The following OR11G2 variants were observed in gnomAD, a reference collection of about 807,000 sequenced individuals.
OR11G2 encodes the protein olfactory receptor family 11 subfamily G member 2.
Under a neutral mutation model 0.9 loss-of-function variants are expected in OR11G2, and 2 were observed. The ratio of observed to expected loss-of-function variants is 2.35; its 90% CI spans 0.96 to 7.38. OR11G2 has a LOEUF of 7.38. Ranked by LOEUF, OR11G2 falls within the 30% of genes most tolerant of loss-of-function variation. The probability of loss-of-function intolerance (pLI) is 0.05; values close to 1 mark genes in which losing one functional copy is unlikely to be tolerated. For synonymous variants in OR11G2, 153 were observed against 142.0 expected (o/e 1.08, Z -0.55); for missense variants, 395 against 371.3 (o/e 1.06, Z -0.52).
rs75562477 is a variant in OR11G2, at chr14:20,197,074, A to G, written c.-4-360A>G. Among the ~76,000 whole-genome samples, 555 of 152,346 alleles carry G rather than the reference A, an allele frequency of 3.6e-3. 4 individuals carry two copies. The highest frequency in any genetic ancestry group is 0.013 in the African/African-American group (531 of 41,582). On this transcript the variant is annotated intron_variant, in intron 1 of 1. Coordinates refer to ENST00000641879, the MANE Select transcript of OR11G2 (RefSeq NM_001386033.1). ...TGTGTAAGAATATATCCATAAATAC[A>G]TATTCTGTTATATATTTATACAAAG...
rs1359401070 is a variant in OR11G2, at chr14:20,191,337, C to G, written c.-334C>G. The G allele has an allele frequency of 6.6e-6, 1 of 152,138 alleles. No individual in the cohort carries two copies. The highest frequency in any genetic ancestry group is 2.4e-5 in the African/African-American group (1 of 41,422). The allele number at this position is 152,138 out of a possible 1,614,324, so 9.4% of individuals were successfully genotyped here. On this transcript the variant is annotated 5_prime_UTR_variant, in exon 1 of 2. Transcript: ENST00000641879. Reference sequence around the variant, plus strand: ...GATCCACACTGCCTTTTTGAGCTAGCCTTGGGGAAAAAGTAAAACATCAGA... The same window carrying G: ...GATCCACACTGCCTTTTTGAGCTAGGCTTGGGGAAAAAGTAAAACATCAGA...
chr14:20,194,656 T>G (rs1879717082), intron 1 of OR11G2, among the ~76,000 whole-genome samples: 1 of 152,248 alleles, frequency 6.6e-6, no homozygotes, highest in African/African-American at 2.4e-5. Context: ...GTTATATTCC[T>G]CTGAATTAGT....
rs1469966048 is a variant in OR11G2 at position 20,198,870 on chromosome 14, A to C, written c.*497A>C. The C allele has an allele frequency of 6.6e-6, 1 of 152,492 alleles. No individual in the cohort carries two copies. The highest frequency in any genetic ancestry group is 1.9e-4 in the East Asian group (1 of 5,202). 9.4% of individuals were successfully genotyped at this position (152,492 alleles called of 1,614,324 possible). A position where few individuals can be genotyped will look rare whatever the true frequency, so the allele number is the denominator to read the frequency against. Reference sequence around the variant, plus strand: ...TTTGCCCAGTTGTGTAACATGCCTCAATGTTTTTTAATTGACTGGTGGGCA... The same window carrying C: ...TTTGCCCAGTTGTGTAACATGCCTCCATGTTTTTTAATTGACTGGTGGGCA... On this transcript the variant is annotated 3_prime_UTR_variant, in exon 2 of 2. Coordinates refer to ENST00000641879, the MANE Select transcript of OR11G2 (RefSeq NM_001386033.1).
chr14:20,191,891 A>ATTT (rs34333327), intron 1 of OR11G2, among the ~76,000 whole-genome samples: 7 of 117,028 alleles, frequency 6.0e-5, no homozygotes, highest in Non-Finnish European at 9.1e-5. Flanking sequence ...CCCAACTGGC[A>ATTT]TTTTTTTTTT....
chr14:20,197,763 T>C lies in OR11G2; in HGVS notation c.326T>C (p.Phe109Ser). The C allele has an allele frequency of 8.1e-6, 13 of 1,614,042 alleles. No homozygotes were observed. The highest frequency in any genetic ancestry group is 1.1e-5 in the Non-Finnish European group (13 of 1,179,988). ...TGCTTCCTCCAGTTCTACTTTTTCTTCTCCTTGGGCTCTACAGAATGCTTT... is the reference window on the plus strand; with the variant it reads ...TGCTTCCTCCAGTTCTACTTTTTCTCCTCCTTGGGCTCTACAGAATGCTTT... ...SGCFLQFYFF[F>S]SLGSTECFFL... The change falls in exon 2 of 2, where the codon TTC becomes TCC. Residue 109 changes from phenylalanine to serine, a missense_variant. Phe to Ser is a radical substitution (Grantham distance 155, BLOSUM62 -2). Transcript: ENST00000641879.
rs1376515314 is a variant in OR11G2 at position 20,197,830 on chromosome 14, T to C, written c.393T>C (p.Cys131=). ...CATTTGATCGATACCTTGCCATCTG[T>C]CGGCCTCTACGCTATCCAACCATTA... ...VMAFDRYLAI[C]RPLRYPTIMT... Residue 131 remains cysteine (C), a synonymous_variant, in exon 2 of 2, where the codon TGT becomes TGC. Transcript: ENST00000641879. 1.9e-6 allele frequency: 3 copies of C among 1,614,026 alleles called. No homozygotes were observed. The highest frequency in any genetic ancestry group is 2.5e-6 in the Non-Finnish European group (3 of 1,180,026).
Position 20,197,455 on chromosome 14 carries a change from C to A in OR11G2, c.18C>A (p.Ser6Arg), listed in dbSNP as rs1338958351. 1 of 1,613,902 alleles carries A rather than the reference C, an allele frequency of 6.2e-7. No homozygotes were observed. The highest frequency in any genetic ancestry group is 8.5e-7 in the Non-Finnish European group (1 of 1,179,960). ...ACAGGCACATGAAAATCTTCAACAG[C>A]CCCAGCAACTCCAGCACCTTCACTG... MKIFN[S>R]PSNSSTFTGF... is the part of the protein sequence containing the mutation. Residue 6 changes from serine (S) to arginine (R), a missense_variant, in exon 2 of 2, where the codon AGC becomes AGA. By Grantham distance (110) the Ser-to-Arg change is moderately radical. Transcript: ENST00000641879.
intron 1 of OR11G2, among the ~76,000 whole-genome samples, chr14:20,192,662 G>GAA (rs2139108820): frequency 6.6e-6 from 1 of 152,214 alleles, no homozygotes; most frequent in Non-Finnish European, 1.5e-5. Context: ...CCTTCATTTT[G>GAA]AAGTTCAATG....
At chr14:20,193,625 A>T (rs1210834733) in intron 1 of OR11G2, among the ~76,000 whole-genome samples, 5 of 152,224 alleles carry the variant, frequency 3.3e-5, no homozygotes, top group Non-Finnish European at 7.3e-5. Context: ...AGAAAATGAG[A>T]TTTTGTGACA....
At chr14:20,193,107 G>A (rs748486891) in intron 1 of OR11G2, among the ~76,000 whole-genome samples, 1 of 152,046 alleles carries the variant, frequency 6.6e-6, no homozygotes, top group Non-Finnish European at 1.5e-5. Context: ...TTTGTTTGTT[G>A]TTTTGGTTTT....
intron 1 of OR11G2, among the ~76,000 whole-genome samples, chr14:20,192,053 C>A (rs1372847010): frequency 1.3e-5 from 2 of 152,036 alleles, no homozygotes; most frequent in African/African-American, 4.8e-5. Flanking sequence ...TGACCATACC[C>A]GGCTAATTTT....
chr14:20,200,537 G>T lies in OR11G2; in HGVS notation c.*2164G>T, dbSNP rs1042518479. ...TTGCGTGTCTGAGGATTGTGAAATG[G>T]GTTCTCTCACACTTAGCTGGTGGGC... On this transcript the variant is annotated 3_prime_UTR_variant, in exon 2 of 2. Coordinates refer to ENST00000641879, the MANE Select transcript of OR11G2 (RefSeq NM_001386033.1). 4 of 152,124 alleles carry T rather than the reference G, an allele frequency of 2.6e-5. No individual in the cohort carries two copies. Among genetic ancestry groups the T allele is most frequent in the Non-Finnish European group, 4.4e-5 (3 of 68,036 alleles). The allele number at this position is 152,124 out of a possible 1,614,324, so 9.4% of individuals were successfully genotyped here.
rs532455728 is a variant in OR11G2 at position 20,197,531 on chromosome 14, T to C, written c.94T>C (p.Phe32Leu). 1 of 1,614,150 alleles carries C rather than the reference T, an allele frequency of 6.2e-7. No homozygotes were observed. The highest frequency in any genetic ancestry group is 8.5e-7 in the Non-Finnish European group (1 of 1,179,996). The change falls in exon 2 of 2, where the codon TTT (phenylalanine) becomes CTT (leucine). Residue 32 changes from phenylalanine to leucine, a missense_variant. By Grantham distance (22) the Phe-to-Leu change is conservative. Transcript: ENST00000641879. ...PCPREGQILL[F>L]VLFTVVYLLT... is the part of the protein sequence containing the mutation. ...CCCCAGGGAGGGGCAGATCCTCCTC[T>C]TTGTGCTCTTCACTGTTGTTTACCT...
In OR11G2 at chr14:20,198,698, A is replaced by C. The variant is rs375361995; in HGVS notation, c.*325A>C. Reference sequence around the variant, plus strand: ...GAGCCGAGATCGCGCCACTGCACTCAAGCCTGGGCGACAGAGCGAGACTCT... The same window carrying C: ...GAGCCGAGATCGCGCCACTGCACTCCAGCCTGGGCGACAGAGCGAGACTCT... On this transcript the variant is annotated 3_prime_UTR_variant, in exon 2 of 2. Transcript: ENST00000641879. The C allele has an allele frequency of 0.019, 3,109 of 160,126 alleles. 39 individuals carry two copies. The highest frequency in any genetic ancestry group is 0.028 in the Admixed American group (457 of 16,508). 9.9% of individuals were successfully genotyped at this position (160,126 alleles called of 1,614,324 possible).
intron 1 of OR11G2, 108 bp downstream of exon 1, chr14:20,191,774 A>G (rs953379319): frequency 6.6e-6 from 1 of 151,954 alleles, no homozygotes; most frequent in African/African-American, 2.4e-5. Context: ...TCATTTTCAC[A>G]CCCTTCTTGT....
rs1879893755 is a variant in OR11G2 at position 20,201,065 on chromosome 14, A to T, written c.*2692A>T. ...CTTTTGTGCGTTCAAATTCTTTATCATGTGCCTATATTATGCATTGAAAAA... is the reference window on the plus strand; with the variant it reads ...CTTTTGTGCGTTCAAATTCTTTATCTTGTGCCTATATTATGCATTGAAAAA... On this transcript the variant is annotated 3_prime_UTR_variant, in exon 2 of 2. Transcript: ENST00000641879. The T allele has an allele frequency of 6.6e-6, 1 of 152,118 alleles. No individual in the cohort carries two copies. Among genetic ancestry groups the T allele is most frequent in the Admixed American group, 6.6e-5 (1 of 15,266 alleles). 9.4% of individuals were successfully genotyped at this position (152,118 alleles called of 1,614,324 possible).
At chr14:20,193,912 G>A (rs1366598527) in intron 1 of OR11G2, among the ~76,000 whole-genome samples, 1 of 152,168 alleles carries the variant, frequency 6.6e-6, no homozygotes, top group Non-Finnish European at 1.5e-5. Flanking sequence ...GGGAGCAGGA[G>A]AGCCCAGGGA....
In OR11G2 at chr14:20,197,397, G is replaced by A. The variant is rs201041430; in HGVS notation, c.-4-37G>A. 1.7e-4 allele frequency: 274 copies of A among 1,609,880 alleles called. 1 individual carries two copies. Among genetic ancestry groups the A allele is most frequent in the South Asian group, 7.2e-4 (65 of 90,642 alleles). ...CTGATTCCCCATCTATGTTTGCACC[G>A]TCATTCAGTAATTGCTGGTGCTTTT... On this transcript the variant is annotated intron_variant, in intron 1 of 1. Coordinates refer to ENST00000641879, the MANE Select transcript of OR11G2 (RefSeq NM_001386033.1).
rs752583936 is a variant in OR11G2, at chr14:20,197,720, A to T, written c.283A>T (p.Ile95Phe). 9.9e-6 allele frequency: 16 copies of T among 1,613,844 alleles called. No homozygotes were observed. The South Asian group carries it at 1.4e-4, about 14-fold the overall frequency. The change falls in exon 2 of 2, where the codon ATC becomes TTC. Residue 95 changes from isoleucine (I) to phenylalanine (F), a missense_variant. Transcript: ENST00000641879. ...MLANFLSDTK[I>F]ISFSGCFLQF... ...GGCCAACTTCCTCTCTGACACCAAG[A>T]TCATCTCGTTCTCTGGCTGCTTCCT...
Sources: allele counts gnomAD v4.1 joint callset (sites outside exome capture counted in the v4.1 genomes callset), GRCh38; gene constraint gnomAD v4.1.1; transcripts MANE v1.5; gene names NCBI Gene and HGNC (gene_info 2026-07-23, HGNC 2026-07-21).